The following PRIMA1 variants were observed in gnomAD, a reference collection of about 807,000 sequenced individuals.
PRIMA1 encodes proline-rich membrane anchor 1.
PRIMA1 carries 7 observed loss-of-function variants against 17.5 expected under a neutral mutation model. The ratio of observed to expected loss-of-function variants is 0.40; its 90% CI spans 0.23 to 0.75. The LOEUF (loss-of-function observed/expected upper bound fraction) is 0.75. Ranked by LOEUF, PRIMA1 falls within the 30% of genes least tolerant of loss-of-function variation. The pLI is 0.37. For missense variants in PRIMA1, 200 were observed against 201.8 expected (o/e 0.99, Z 0.05); for synonymous variants, 97 against 77.9 (o/e 1.25, Z -1.29).
chr14:93,763,048 C>G (rs1372556406), intron 3 of PRIMA1, among the ~76,000 whole-genome samples: 3 of 152,222 alleles, frequency 2.0e-5, no homozygotes. Flanking sequence ...TCCCATAGCA[C>G]TTGCTGCCTC....
chr14:93,783,680 CTTA>C (rs1352228743), intron 2 of PRIMA1, among the ~76,000 whole-genome samples: 1 of 152,242 alleles, frequency 6.6e-6, no homozygotes, highest in Non-Finnish European at 1.5e-5. Context: ...GGGACCACTT[CTTA>C]TTCCCATTTC....
intron 3 of PRIMA1, among the ~76,000 whole-genome samples, chr14:93,757,206 G>GGAA (rs1165732264): frequency 1.3e-5 from 2 of 151,696 alleles, no homozygotes; most frequent in African/African-American, 4.9e-5. Flanking sequence ...AAAAAAGGAA[G>GGAA]GAAGGAAGGA....
Position 93,787,665 on chromosome 14 carries a change from C to G in PRIMA1, c.54G>C (p.Leu18=). The G allele has an allele frequency of 6.5e-7, 1 of 1,543,872 alleles. No homozygotes were observed. The highest frequency in any genetic ancestry group is 8.7e-7 in the Non-Finnish European group (1 of 1,146,820). Residue 18 remains leucine, a synonymous_variant, in exon 2 of 5, where the codon CTG becomes CTC. Transcript: ENST00000393140. The stretch of plus-strand genomic sequence containing the variant: ...AGAGCGGGTGGAGCGCGCAGTGCAG[C>G]AGCAGCGAGGACCAGCAGCAGCCAC... ...LRRGCCWSSL[L]LHCALHPLWG...
At chr14:93,768,570 C>A (rs1021444281) in intron 3 of PRIMA1, among the ~76,000 whole-genome samples, 1 of 152,114 alleles carries the variant, frequency 6.6e-6, no homozygotes, top group Non-Finnish European at 1.5e-5. Context: ...GGCAGGAGTC[C>A]GAGGGCAGGG....
Position 93,735,061 on chromosome 14 carries a change from G to A in PRIMA1, c.359+2180C>T, listed in dbSNP as rs1180908021. ...AAGCAGGTAGCACATTTCTTCAGGG[G>A]AGGTTTGGGGCAGGGAGGGAGGCAG... On this transcript the variant is annotated intron_variant, in intron 4 of 4. Transcript: ENST00000393140. Among the ~76,000 whole-genome samples, 3 of 152,320 alleles carry A rather than the reference G, an allele frequency of 2.0e-5. No homozygotes were observed. In the East Asian group the frequency reaches 5.8e-4, roughly 29 times the overall value.
chr14:93,734,867 G>A (rs1159086210), intron 4 of PRIMA1, among the ~76,000 whole-genome samples: 4 of 152,160 alleles, frequency 2.6e-5, no homozygotes, highest in Non-Finnish European at 5.9e-5. Context: ...CAGAGAAAGT[G>A]GAAGAGGACA....
intron 3 of PRIMA1, among the ~76,000 whole-genome samples, chr14:93,741,123 T>C (rs570663008): frequency 6.6e-6 from 1 of 152,374 alleles, no homozygotes; most frequent in Admixed American, 6.5e-5. Flanking sequence ...GGAGGCATTT[T>C]GTGAAACCTA....
intron 3 of PRIMA1, among the ~76,000 whole-genome samples, chr14:93,767,620 C>G (rs1043113881): frequency 6.6e-6 from 1 of 152,174 alleles, no homozygotes; most frequent in East Asian, 1.9e-4. Flanking sequence ...CCAGGGGTGC[C>G]GGAGCTAGCC....
intron 2 of PRIMA1, among the ~76,000 whole-genome samples, chr14:93,784,642 C>A (rs1259602526): frequency 6.6e-6 from 1 of 152,106 alleles, no homozygotes; most frequent in Non-Finnish European, 1.5e-5. Context: ...TTCCAAAGTC[C>A]CTCTCTCCTC....
chr14:93,754,257 G>A (rs975403303), intron 3 of PRIMA1, among the ~76,000 whole-genome samples: 2 of 152,196 alleles, frequency 1.3e-5, no homozygotes, highest in African/African-American at 4.8e-5. Flanking sequence ...CGAAGAGCTT[G>A]TGGAGCTCTT....
intron 4 of PRIMA1, among the ~76,000 whole-genome samples, chr14:93,731,488 T>TAGTATGTATATGTA (rs1361316874): frequency 5.9e-5 from 9 of 152,172 alleles, no homozygotes; most frequent in African/African-American, 2.2e-4. Flanking sequence ...TATGTATTCC[T>TAGTATGTATATGTA]TTGATAAAAA....
chr14:93,780,533 C>T (rs574875204), intron 2 of PRIMA1, among the ~76,000 whole-genome samples: 45 of 152,304 alleles, frequency 3.0e-4, no homozygotes, highest in African/African-American at 1.0e-3. Context: ...CATGTGTCAA[C>T]GAGAAGGGTA....
chr14:93,752,730 G>T (rs2076267901), intron 3 of PRIMA1, among the ~76,000 whole-genome samples: 1 of 151,946 alleles, frequency 6.6e-6, no homozygotes, highest in African/African-American at 2.4e-5. Context: ...TGAGTTCTCT[G>T]TCTGGACAAG....
At chr14:93,788,853 C>A (rs1044840973), upstream of PRIMA1, among the ~76,000 whole-genome samples, 3 of 151,800 alleles carry the variant, frequency 2.0e-5, no homozygotes, top group Non-Finnish European at 4.4e-5. Flanking sequence ...GAGCCCTCCC[C>A]GGGCCCGCGT....
At chr14:93,761,989 A>G (rs1374009661) in intron 3 of PRIMA1, among the ~76,000 whole-genome samples, 1 of 152,146 alleles carries the variant, frequency 6.6e-6, no homozygotes, top group Admixed American at 6.5e-5. Flanking sequence ...CACCCCTCAC[A>G]TGGTATTGCT....
intron 3 of PRIMA1, among the ~76,000 whole-genome samples, chr14:93,741,541 C>G (rs2076184339): frequency 6.6e-6 from 1 of 152,240 alleles, no homozygotes; most frequent in African/African-American, 2.4e-5. Context: ...GTGCTGGGAT[C>G]TGGGAGTACA....
At chr14:93,764,186 G>A (rs1023630186) in intron 3 of PRIMA1, among the ~76,000 whole-genome samples, 5 of 151,880 alleles carry the variant, frequency 3.3e-5, no homozygotes, top group Admixed American at 1.3e-4. Context: ...GGCTTGGCCC[G>A]CCCTCACCCC....
intron 3 of PRIMA1, among the ~76,000 whole-genome samples, chr14:93,747,678 CAG>C (rs766893994): frequency 4.1e-5 from 6 of 144,770 alleles, no homozygotes; most frequent in Admixed American, 6.9e-5. Context: ...GAGTGTGTGA[CAG>C]AGTACATGGG....
At chr14:93,733,046 G>A (rs774937680) in intron 4 of PRIMA1, among the ~76,000 whole-genome samples, 1 of 152,182 alleles carries the variant, frequency 6.6e-6, no homozygotes, top group Non-Finnish European at 1.5e-5. Flanking sequence ...CAACAAGCCC[G>A]GGGCAATGAA....
Sources: allele counts gnomAD v4.1 joint callset (sites outside exome capture counted in the v4.1 genomes callset), GRCh38; gene constraint gnomAD v4.1.1; transcripts MANE v1.5; gene names NCBI Gene and HGNC (gene_info 2026-07-23, HGNC 2026-07-21).